The following SCMH1 variants were observed in gnomAD, a reference collection of about 807,000 sequenced individuals.
SCMH1 encodes polycomb protein SCMH1.
Under a neutral mutation model 70.8 loss-of-function variants are expected in SCMH1, and 37 were observed. That is an observed-to-expected ratio of 0.52 (90% CI 0.40 to 0.69). The LOEUF (loss-of-function observed/expected upper bound fraction) is 0.69. SCMH1 is among the 30% of genes least tolerant of loss of function. SCMH1 has a pLI of 0.00. For synonymous variants in SCMH1, 292 were observed against 307.4 expected (o/e 0.95, Z 0.52); for missense variants, 607 against 827.3 (o/e 0.73, Z 3.27).
intron 7 of SCMH1, 126 bp downstream of exon 7, chr1:41,116,796 A>G (rs1670574372): frequency 3.4e-6 from 2 of 589,958 alleles, no homozygotes; most frequent in Admixed American, 7.1e-5. Context: ...TTCATAAGCT[A>G]CTAAAAAATC....
At chr1:41,142,983 C>T (rs1216056271) in exon 6 of SCMH1, 1 of 1,614,154 alleles carries the variant, frequency 6.2e-7, no homozygotes, top group Non-Finnish European at 8.5e-7. Flanking sequence ...TCGCTCCCAT[C>T]AAGGCGCAGG....
At chr1:41,036,506 C>T (rs1292829436) in intron 13 of SCMH1, among the ~76,000 whole-genome samples, 3 of 152,208 alleles carry the variant, frequency 2.0e-5, no homozygotes, top group Non-Finnish European at 4.4e-5. Flanking sequence ...TGCCCTAACC[C>T]AGGCCTTTGT....
chr1:41,158,816 G>T (rs911350820), intron 4 of SCMH1, among the ~76,000 whole-genome samples: 1 of 152,128 alleles, frequency 6.6e-6, no homozygotes, highest in African/African-American at 2.4e-5. Flanking sequence ...TATGAAAGCG[G>T]CAGAGTGGCA....
chr1:41,064,993 C>G (rs540535040), intron 10 of SCMH1, among the ~76,000 whole-genome samples: 19 of 152,152 alleles, frequency 1.2e-4, no homozygotes, highest in East Asian at 1.2e-3. Context: ...ATAAGTTAAA[C>G]AAAATATATA....
intron 11 of SCMH1, among the ~76,000 whole-genome samples, chr1:41,047,392 C>CTTTTTT (rs397861246): frequency 5.3e-5 from 6 of 112,454 alleles, no homozygotes; most frequent in Non-Finnish European, 8.9e-5. Context: ...ACTTCCCAGT[C>CTTTTTT]TTTTTTTTTT....
chr1:41,059,084 C>G (rs550769292), intron 10 of SCMH1, among the ~76,000 whole-genome samples: 2 of 152,156 alleles, frequency 1.3e-5, no homozygotes, highest in Non-Finnish European at 2.9e-5. Context: ...CTGGCTAATG[C>G]GTAATGCTAG....
intron 1 of SCMH1, among the ~76,000 whole-genome samples, chr1:41,201,952 A>C (rs1432032957): frequency 6.6e-6 from 1 of 152,226 alleles, no homozygotes; most frequent in Non-Finnish European, 1.5e-5. Context: ...TTTGTATGCA[A>C]GCACAGAACT....
chr1:41,147,595 G>A (rs1038486580), intron 5 of SCMH1, among the ~76,000 whole-genome samples: 1 of 152,006 alleles, frequency 6.6e-6, no homozygotes, highest in Non-Finnish European at 1.5e-5. Flanking sequence ...TATATTTGCT[G>A]ATTTTTTTTC....
intron 8 of SCMH1, among the ~76,000 whole-genome samples, chr1:41,087,884 T>C (rs1415639510): frequency 3.3e-5 from 5 of 151,574 alleles, no homozygotes; most frequent in Non-Finnish European, 5.9e-5. Context: ...CAGTATTACA[T>C]ATTATTGTAC....
chr1:41,119,179 GA>G (rs1030256511), intron 6 of SCMH1, among the ~76,000 whole-genome samples: 1 of 151,998 alleles, frequency 6.6e-6, no homozygotes, highest in Non-Finnish European at 1.5e-5. Context: ...TCAGCTTTTG[GA>G]AAAAAGTATC....
At chr1:41,035,241 T>TAA in intron 13 of SCMH1, among the ~76,000 whole-genome samples, 1 of 152,308 alleles carries the variant, frequency 6.6e-6, no homozygotes, top group Non-Finnish European at 1.5e-5. Context: ...GTTGATGACT[T>TAA]AAACTGCTCT....
intron 4 of SCMH1, among the ~76,000 whole-genome samples, chr1:41,152,278 G>T (rs991310332): frequency 6.6e-6 from 1 of 152,186 alleles, no homozygotes; most frequent in South Asian, 2.1e-4. Context: ...CCTAGCCACC[G>T]CTGTGTTGCT....
chr1:41,031,537 G>T (rs1056153187), intron 13 of SCMH1, among the ~76,000 whole-genome samples: 1 of 152,196 alleles, frequency 6.6e-6, no homozygotes, highest in African/African-American at 2.4e-5. Context: ...TTGGGCACTG[G>T]GGAGAGGTAT....
At chr1:41,120,582 T>G (rs1374856592) in intron 6 of SCMH1, among the ~76,000 whole-genome samples, 4 of 152,182 alleles carry the variant, frequency 2.6e-5, no homozygotes, top group African/African-American at 9.7e-5. Context: ...CCCAAGAAAT[T>G]GCTAAGGTAT....
chr1:41,035,405 A>T (rs1645144849), intron 13 of SCMH1, among the ~76,000 whole-genome samples: 1 of 152,168 alleles, frequency 6.6e-6, no homozygotes, highest in South Asian at 2.1e-4. Context: ...AGCTTGTGCA[A>T]ACTGGCCAAC....
chr1:41,086,436 C>G (rs909296552), intron 8 of SCMH1, among the ~76,000 whole-genome samples: 1 of 152,056 alleles, frequency 6.6e-6, no homozygotes, highest in Non-Finnish European at 1.5e-5. Flanking sequence ...GTAGACTTGA[C>G]AAAAAGACAT....
chr1:41,234,675 C>T (rs1454220296), intron 1 of SCMH1, among the ~76,000 whole-genome samples: 1 of 151,734 alleles, frequency 6.6e-6, no homozygotes, highest in Non-Finnish European at 1.5e-5. Context: ...GGGGTTTCAC[C>T]GTGTTAACCA....
intron 1 of SCMH1, among the ~76,000 whole-genome samples, chr1:41,208,704 G>C (rs1656240291): frequency 6.6e-6 from 1 of 152,122 alleles, no homozygotes; most frequent in Admixed American, 6.5e-5. Context: ...CAACATACCA[G>C]AATCTCAGGG....
chr1:41,037,245 T>C, intron 13 of SCMH1, 117 bp downstream of exon 13: 1 of 1,021,984 alleles, frequency 9.8e-7, no homozygotes, highest in Non-Finnish European at 1.4e-6. Context: ...CAGTCCCTAG[T>C]CCCACCACCA....
Sources: gnomAD v4.1 joint callset for allele counts (sites outside exome capture counted in the v4.1 genomes callset) on GRCh38, gnomAD v4.1.1 for gene constraint, MANE v1.5 for transcripts, NCBI Gene and HGNC (gene_info 2026-07-23, HGNC 2026-07-21) for gene names.